The following KIF16B variants were observed in gnomAD, a reference collection of about 807,000 sequenced individuals.
The protein encoded by KIF16B is kinesin-like protein KIF16B.
A neutral mutation model predicts 156.3 loss-of-function variants in KIF16B; 98 were observed. The ratio of observed to expected loss-of-function variants is 0.63; its 90% CI spans 0.53 to 0.74. KIF16B has a LOEUF of 0.74. Among genes scored for constraint, KIF16B ranks in the 30% least tolerant of loss-of-function variants. The probability of loss-of-function intolerance (pLI) is 0.00; values close to 1 mark genes in which losing one functional copy is unlikely to be tolerated. For missense variants in KIF16B, 1,421 were observed against 1,606.5 expected (o/e 0.88, Z 1.97); for synonymous variants, 564 against 583.7 (o/e 0.97, Z 0.49).
intron 20 of KIF16B, among the ~76,000 whole-genome samples, chr20:16,372,470 T>C (rs1325696809): frequency 6.6e-6 from 1 of 152,232 alleles, no homozygotes. Flanking sequence ...TCATAAAATG[T>C]AGGTGAAGTT....
chr20:16,363,787 T>C (rs1482314515), intron 22 of KIF16B, among the ~76,000 whole-genome samples: 1 of 152,228 alleles, frequency 6.6e-6, no homozygotes, highest in East Asian at 1.9e-4. Flanking sequence ...TCCAATCTAC[T>C]TGCAAAGCAG....
rs199862057 is a variant in KIF16B at position 16,512,904 on chromosome 20, G to T, written c.368C>A (p.Pro123His). 5.8e-5 allele frequency: 93 copies of T among 1,612,158 alleles called. No homozygotes were observed. The East Asian group carries it at 2.1e-3, about 36-fold the overall frequency. Residue 123 changes from proline (P) to histidine (H), a missense_variant, in exon 5 of 26, where the codon CCT (proline) becomes CAT (histidine). Transcript: ENST00000354981. The stretch of plus-strand genomic sequence containing the variant: ...ACTGAAGAGTCCTTCACAGATCCGA[G>T]GTATTAAGCCAGAATCTCCCTGCAT... ...MGNSGDSGLI[P>H]RICEGLFSRI... is the part of the protein sequence containing the mutation.
At chr20:16,392,072 A>C (rs1425665578) in intron 17 of KIF16B, among the ~76,000 whole-genome samples, 1 of 152,212 alleles carries the variant, frequency 6.6e-6, no homozygotes, top group Admixed American at 6.5e-5. Flanking sequence ...CATGTTTACA[A>C]TAATTCACTG....
At chr20:16,529,892 A>G (rs958583910) in intron 1 of KIF16B, among the ~76,000 whole-genome samples, 2 of 152,194 alleles carry the variant, frequency 1.3e-5, no homozygotes, top group African/African-American at 4.8e-5. Flanking sequence ...CAGAGGTTGC[A>G]GTGAGCCAAG....
chr20:16,330,838 G>A (rs915805395), intron 24 of KIF16B, among the ~76,000 whole-genome samples: 2 of 152,266 alleles, frequency 1.3e-5, no homozygotes. Flanking sequence ...TGCCTATGGA[G>A]TTGTTATAAG....
chr20:16,330,809 G>A (rs773987134), intron 24 of KIF16B, among the ~76,000 whole-genome samples: 2 of 152,248 alleles, frequency 1.3e-5, no homozygotes, highest in Non-Finnish European at 2.9e-5. Context: ...TCAGCAGGCT[G>A]TTGGGACTCT....
At chr20:16,312,544 TG>T (rs997498844) in intron 24 of KIF16B, 126 bp from the exon 25 acceptor site, 47 of 738,070 alleles carry the variant, frequency 6.4e-5, no homozygotes, top group Admixed American at 2.3e-4. Flanking sequence ...TTAAAGATGG[TG>T]GGTCCTGCCT....
chr20:16,374,367 C>A lies in KIF16B; in HGVS notation c.3240G>T (p.Glu1080Asp), dbSNP rs1433193925. 3.8e-6 allele frequency: 6 copies of A among 1,596,524 alleles called. No homozygotes were observed. In the South Asian group the frequency reaches 6.9e-5, roughly 18 times the overall value. The change falls in exon 20 of 26, where the codon GAG (glutamate) becomes GAT (aspartate). Residue 1080 changes from glutamate to aspartate, a missense_variant. By Grantham distance (45) the Glu-to-Asp change is conservative. Transcript: ENST00000354981. ...GATGATCTTTTTGAACACCATCGAC[C>A]TCATAAATCTTCTGTTTCAGCTGCT... ...EIQQLKQKIYEVDGVQKDHHG... is the reference protein window; with the variant it reads ...EIQQLKQKIYDVDGVQKDHHG...
intron 19 of KIF16B, 63 bp from the exon 20 acceptor site, chr20:16,374,472 T>C (rs2064897604): frequency 7.1e-7 from 1 of 1,410,506 alleles, no homozygotes; most frequent in East Asian, 2.5e-5. Flanking sequence ...CCTTACTGTG[T>C]GAGACATTGC....
At chr20:16,430,088 T>TA (rs2066459275) in intron 12 of KIF16B, 106 bp from the exon 13 acceptor site, 1 of 1,188,552 alleles carries the variant, frequency 8.4e-7, no homozygotes, top group African/African-American at 1.5e-5. Flanking sequence ...ATTTCTCATC[T>TA]AAAAAACTGC....
chr20:16,552,805 A>T (rs984348814), intron 1 of KIF16B, among the ~76,000 whole-genome samples: 2 of 151,350 alleles, frequency 1.3e-5, no homozygotes, highest in Non-Finnish European at 2.9e-5. Context: ...TTAATTTATT[A>T]TTTTTTTTTA....
At chr20:16,385,063 G>A (rs1278601155) in intron 17 of KIF16B, among the ~76,000 whole-genome samples, 1 of 152,014 alleles carries the variant, frequency 6.6e-6, no homozygotes, top group African/African-American at 2.4e-5. Context: ...CAGGCGTGGT[G>A]GTGGGCACCT....
chr20:16,420,383 AGT>A (rs1319516436), intron 15 of KIF16B, among the ~76,000 whole-genome samples: 1 of 152,168 alleles, frequency 6.6e-6, no homozygotes, highest in Admixed American at 6.6e-5. Flanking sequence ...ATATATGGTA[AGT>A]AATTTAGATA....
In KIF16B at chr20:16,448,876, C is replaced by CAGAGAGAGAGAG. The variant is rs138248990; in HGVS notation, c.1303-18906_1303-18895dup. Among the ~76,000 whole-genome samples the CAGAGAGAGAGAG allele has an allele frequency of 2.6e-3, 372 of 145,440 alleles. 3 individuals are homozygous for CAGAGAGAGAGAG. Among genetic ancestry groups the CAGAGAGAGAGAG allele is most frequent in the African/African-American group, 8.5e-3 (334 of 39,214 alleles). On this transcript the variant is annotated intron_variant, in intron 12 of 25. Coordinates refer to ENST00000354981, the MANE Select transcript of KIF16B (RefSeq NM_024704.5). ...TTAAGAAAAACAGATAGAAATATGA[C>CAGAGAGAGAGAG]AGAGAGAGAGAGAGAGAGAGAGAGA...
chr20:16,472,483 A>G (rs2067689058), intron 12 of KIF16B, among the ~76,000 whole-genome samples: 1 of 149,256 alleles, frequency 6.7e-6, no homozygotes, highest in Non-Finnish European at 1.5e-5. Context: ...AGGAGCAGGG[A>G]GGACAACATA....
At chr20:16,434,913 G>C (rs2066604406) in intron 12 of KIF16B, among the ~76,000 whole-genome samples, 1 of 152,070 alleles carries the variant, frequency 6.6e-6, no homozygotes, top group Non-Finnish European at 1.5e-5. Flanking sequence ...TGGGGGTTGG[G>C]GACAATCAGG....
Position 16,514,869 on chromosome 20 carries a change from G to A in KIF16B, c.348+679C>T, listed in dbSNP as rs192242170. 5.0e-4 allele frequency among the ~76,000 whole-genome samples: 60 copies of A among 120,582 alleles called. No homozygotes were observed. In the East Asian group the frequency reaches 0.014, roughly 28 times the overall value. 79.1% of individuals were successfully genotyped at this position (120,582 alleles called of 152,430 possible). Reference sequence around the variant, plus strand: ...CCACTGCCCTCTAGCCTGGGCGACGGAGTGAGATTCCATCTCAAAAAAAAA... The same window carrying A: ...CCACTGCCCTCTAGCCTGGGCGACGAAGTGAGATTCCATCTCAAAAAAAAA... On this transcript the variant is annotated intron_variant, in intron 4 of 25. Transcript: ENST00000354981.
chr20:16,518,083 G>A (rs901565627), intron 3 of KIF16B, among the ~76,000 whole-genome samples: 11 of 152,108 alleles, frequency 7.2e-5, no homozygotes, highest in African/African-American at 2.4e-4. Flanking sequence ...AGACATGACT[G>A]CAAACGGGTC....
Position 16,356,366 on chromosome 20 carries a change from C to A in KIF16B, c.3585G>T (p.Gly1195=), listed in dbSNP as rs2064442051. ...KISIPRYVLC[G]QGKDAHFEFE... is the part of the protein sequence containing the mutation. Reference sequence around the variant, plus strand: ...ACTCGAAGTGTGCATCCTTTCCTTGCCCGCAGAGGACGTAGCGTGGGATAC... The same window carrying A: ...ACTCGAAGTGTGCATCCTTTCCTTGACCGCAGAGGACGTAGCGTGGGATAC... Residue 1195 remains glycine, a synonymous_variant, in exon 23 of 26, where the codon GGG becomes GGT. Coordinates refer to ENST00000354981, the MANE Select transcript of KIF16B (RefSeq NM_024704.5). 1.2e-6 allele frequency: 2 copies of A among 1,614,026 alleles called. No individual in the cohort carries two copies. The highest frequency in any genetic ancestry group is 1.7e-5 in the Admixed American group (1 of 59,996).
Sources: gnomAD v4.1 joint callset for allele counts (sites outside exome capture counted in the v4.1 genomes callset) on GRCh38, gnomAD v4.1.1 for gene constraint, MANE v1.5 for transcripts, NCBI Gene and HGNC (gene_info 2026-07-23, HGNC 2026-07-21) for gene names.